The following PMS1 variants were observed in gnomAD, a reference collection of about 807,000 sequenced individuals.
PMS1 encodes the protein PMS1 protein homolog 1.
In PMS1, 79 loss-of-function variants were observed where a neutral mutation model predicts 93.1. That is an observed-to-expected ratio of 0.85 (90% CI 0.71 to 1.02). The LOEUF (loss-of-function observed/expected upper bound fraction) is 1.02. PMS1 is among the 50% of genes least tolerant of loss of function. The pLI is 0.00. For synonymous variants in PMS1, 335 were observed against 363.4 expected, an observed-to-expected ratio of 0.92 and a Z score of 0.89; for missense variants, 1,064 against 1,085.3, an observed-to-expected ratio of 0.98 and a Z score of 0.28.
intron 11 of PMS1, among the ~76,000 whole-genome samples, chr2:189,871,141 T>C (rs1394412790): frequency 1.3e-5 from 2 of 152,226 alleles, no homozygotes; most frequent in Non-Finnish European, 2.9e-5. Context: ...GGAACTTCTT[T>C]CGCTAGATAG....
At chr2:189,862,609 C>G (rs2056135653) in intron 9 of PMS1, among the ~76,000 whole-genome samples, 1 of 152,264 alleles carries the variant, frequency 6.6e-6, no homozygotes, top group South Asian at 2.1e-4. Context: ...CTGAAAAGTG[C>G]TGATTTTTGT....
At chr2:189,855,188 C>CA in intron 9 of PMS1, 60 bp downstream of exon 9, 1 of 1,414,680 alleles carries the variant, frequency 7.1e-7, no homozygotes, top group Non-Finnish European at 9.9e-7. Context: ...CTATATGACT[C>CA]ACTGTTTAAA....
chr2:189,785,206 T>G (rs942854585), intron 1 of PMS1: 2 of 152,262 alleles, frequency 1.3e-5, no homozygotes, highest in African/African-American at 4.8e-5. Flanking sequence ...GAATGTTGGC[T>G]GTGTATGTCT....
At chr2:189,853,912 T>G in intron 7 of PMS1, 27 bp from the exon 8 acceptor site, 1 of 1,375,968 alleles carries the variant, frequency 7.3e-7, no homozygotes, top group East Asian at 2.4e-5. Flanking sequence ...TATTATTTTT[T>G]CTTTTATTTA....
chr2:189,865,772 A>G (rs1179367901), intron 10 of PMS1, among the ~76,000 whole-genome samples: 1 of 152,214 alleles, frequency 6.6e-6, no homozygotes, highest in African/African-American at 2.4e-5. Flanking sequence ...TTTTTCAGTC[A>G]GACACAGGTA....
chr2:189,872,621 C>T (rs938689476), intron 11 of PMS1, among the ~76,000 whole-genome samples: 5 of 151,878 alleles, frequency 3.3e-5, no homozygotes, highest in African/African-American at 1.2e-4. Flanking sequence ...TAGCTAGTTT[C>T]TAGTTTTATT....
intron 3 of PMS1, among the ~76,000 whole-genome samples, chr2:189,804,435 T>G (rs369994522): frequency 2.2e-4 from 33 of 152,236 alleles, no homozygotes; most frequent in African/African-American, 7.2e-4. Flanking sequence ...ACTCCCAACT[T>G]TGTTTTAGGT....
At chr2:189,797,672 GA>G (rs2049481750) in intron 3 of PMS1, among the ~76,000 whole-genome samples, 1 of 152,136 alleles carries the variant, frequency 6.6e-6, no homozygotes, top group South Asian at 2.1e-4. Flanking sequence ...AAAATGATAG[GA>G]CTTCATACTT....
chr2:189,791,615 C>CA (rs1197953377), intron 1 of PMS1, 175 bp from the exon 2 acceptor site: 32,683 of 389,184 alleles, frequency 0.084, 11 homozygotes, highest in Middle Eastern at 0.12. Context: ...ATTTCATCTC[C>CA]AAAAAAAAAA....
intron 5 of PMS1, among the ~76,000 whole-genome samples, chr2:189,820,421 C>G (rs2051735335): frequency 6.6e-6 from 1 of 152,266 alleles, no homozygotes; most frequent in Admixed American, 6.5e-5. Flanking sequence ...CCTCAGCCTC[C>G]TGAGTAGCTG....
At chr2:189,787,045 C>A (rs2048413229) in intron 1 of PMS1, among the ~76,000 whole-genome samples, 1 of 151,958 alleles carries the variant, frequency 6.6e-6, no homozygotes. Context: ...AAGAGCGAAA[C>A]CTGAAACTCT....
At chr2:189,844,600 C>T (rs1171372218) in intron 6 of PMS1, among the ~76,000 whole-genome samples, 5 of 145,844 alleles carry the variant, frequency 3.4e-5, no homozygotes, top group African/African-American at 7.7e-5. Flanking sequence ...GCCGAGATTG[C>T]ACCACTGCAC....
intron 5 of PMS1, among the ~76,000 whole-genome samples, chr2:189,827,632 C>T (rs984525312): frequency 6.6e-6 from 1 of 152,012 alleles, no homozygotes. Flanking sequence ...CATGTGTATC[C>T]ACTGTATATA....
At chr2:189,846,236 G>A (rs1248752088) in intron 6 of PMS1, among the ~76,000 whole-genome samples, 2 of 151,918 alleles carry the variant, frequency 1.3e-5, no homozygotes, top group Non-Finnish European at 2.9e-5. Flanking sequence ...AATTGGCCCG[G>A]TGTGGTGGCT....
chr2:189,792,669 GTA>G (rs1203105898), intron 2 of PMS1, among the ~76,000 whole-genome samples: 5 of 100,034 alleles, frequency 5.0e-5, no homozygotes, highest in Admixed American at 1.0e-4. Context: ...AGATAAACAT[GTA>G]TATATATATG....
At position 189,854,907 on chromosome 2, in the gene PMS1, A is replaced by G. The variant is rs936437078; in HGVS notation, c.1635A>G (p.Ser545=). The G allele has an allele frequency of 1.2e-6, 2 of 1,603,784 alleles. No homozygotes were observed. The highest frequency in any genetic ancestry group is 2.7e-5 in the African/African-American group (2 of 74,572). The part of the protein sequence containing the change: ...IPEQMNLNED[S]CNKKSNVIDN... The stretch of plus-strand genomic sequence containing the variant: ...AACAAATGAATCTTAATGAAGATTC[A>G]TGTAACAAAAAATCAAATGTAATAG... The change falls in exon 9 of 13, where the codon TCA becomes TCG. Residue 545 remains serine (S), a synonymous_variant. Coordinates refer to ENST00000441310, the MANE Select transcript of PMS1 (RefSeq NM_000534.5).
chr2:189,871,433 C>T (rs1222953155), intron 11 of PMS1, among the ~76,000 whole-genome samples: 1 of 152,222 alleles, frequency 6.6e-6, no homozygotes, highest in Non-Finnish European at 1.5e-5. Flanking sequence ...GTTAGACAAG[C>T]TTGCCCTGCG....
chr2:189,843,258 TC>T (rs974074853), intron 5 of PMS1, among the ~76,000 whole-genome samples: 29 of 152,212 alleles, frequency 1.9e-4, no homozygotes, highest in Non-Finnish European at 3.8e-4. Flanking sequence ...CCTCAAGTGA[TC>T]CGCCTGCCTC....
In PMS1 at chr2:189,828,479, A is replaced by G. The variant is rs565374756; in HGVS notation, c.582+10299A>G. On this transcript the variant is annotated intron_variant, in intron 5 of 12. Transcript: ENST00000441310. Reference sequence around the variant, plus strand: ...ATAAATTTAAAATCAAATGCTTTAAACACTCAATTGCAGAGTTCACTGGTA... The same window carrying G: ...ATAAATTTAAAATCAAATGCTTTAAGCACTCAATTGCAGAGTTCACTGGTA... Among the ~76,000 whole-genome samples the G allele has an allele frequency of 3.3e-5, 5 of 152,332 alleles. No individual in the cohort carries two copies. In the East Asian group the frequency reaches 5.8e-4, roughly 18 times the overall value.
Sources: gnomAD v4.1 joint callset for allele counts (sites outside exome capture counted in the v4.1 genomes callset) on GRCh38, gnomAD v4.1.1 for gene constraint, MANE v1.5 for transcripts, NCBI Gene and HGNC (gene_info 2026-07-23, HGNC 2026-07-21) for gene names.